Variants in NTSR2 observed in about 807,000 individuals in gnomAD.
NTSR2 encodes neurotensin receptor 2.
A neutral mutation model predicts 24.1 loss-of-function variants in NTSR2; 22 were observed. That is an observed-to-expected ratio of 0.91 (90% CI 0.65 to 1.30). The LOEUF is 1.30. Among genes scored for constraint, NTSR2 ranks in the 50% most tolerant of loss-of-function variants. The probability of loss-of-function intolerance (pLI) is 0.00; values close to 1 mark genes in which losing one functional copy is unlikely to be tolerated. For missense variants in NTSR2, 570 were observed against 570.4 expected (o/e 1.00, Z 0.01); for synonymous variants, 291 against 267.0 (o/e 1.09, Z -0.88).
At chr2:11,667,023 T>G (rs1572269116) in intron 1 of NTSR2, among the ~76,000 whole-genome samples, 1 of 152,310 alleles carries the variant, frequency 6.6e-6, no homozygotes, top group East Asian at 1.9e-4. Flanking sequence ...TCTCATTGAA[T>G]TATCACAGAG....
At chr2:11,666,519 T>C (rs1390193611) in intron 1 of NTSR2, among the ~76,000 whole-genome samples, 2 of 151,832 alleles carry the variant, frequency 1.3e-5, no homozygotes, top group South Asian at 4.2e-4. Context: ...GCCAACATGG[T>C]GAAACCCCAT....
chr2:11,666,811 AAGG>A (rs985851052), intron 1 of NTSR2, among the ~76,000 whole-genome samples: 31 of 152,072 alleles, frequency 2.0e-4, no homozygotes, highest in African/African-American at 7.2e-4. Flanking sequence ...GGAGGGAGGG[AAGG>A]AGAAGGGCAG....
chr2:11,663,466 AT>A (rs1262072211), intron 1 of NTSR2, among the ~76,000 whole-genome samples: 1 of 152,250 alleles, frequency 6.6e-6, no homozygotes, highest in Non-Finnish European at 1.5e-5. Context: ...TTGAAAGGGC[AT>A]TTACGCTTGT....
At chr2:11,668,021 A>G (rs1225364659) in intron 1 of NTSR2, among the ~76,000 whole-genome samples, 1 of 152,176 alleles carries the variant, frequency 6.6e-6, no homozygotes, top group African/African-American at 2.4e-5. Context: ...TCTGAGGATG[A>G]CTCGGTGGCC....
At chr2:11,665,749 G>A (rs1294928588) in intron 1 of NTSR2, 5 of 152,270 alleles carry the variant, frequency 3.3e-5, no homozygotes, top group African/African-American at 1.2e-4. Context: ...TTATAAGTCA[G>A]AGGTCACACA....
chr2:11,669,459 C>CCGGGCGGGGGGGGG, intron 1 of NTSR2, 47 bp downstream of exon 1: 2 of 337,892 alleles, frequency 5.9e-6, no homozygotes, highest in East Asian at 4.3e-5. Context: ...CTCCCAGCAC[C>CCGGGCGGGGGGGGG]GCCCCCCCAC....
chr2:11,658,663 C>G lies in NTSR2; in HGVS notation c.1049G>C (p.Ser350Thr), dbSNP rs1660990415. Residue 350 changes from serine (S) to threonine (T), a missense_variant, in exon 4 of 4, where the codon AGC (serine) becomes ACC (threonine). Transcript: ENST00000306928. ...GTAGAGAAGAGGAGTCACAGCTGAG[C>G]TGACGTAGAAAAGTGTGTTGGTCAC... ...YMVTNTLFYV[S>T]SAVTPLLYNA... 2.5e-6 allele frequency: 4 copies of G among 1,614,112 alleles called. No individual in the cohort carries two copies. Among genetic ancestry groups the G allele is most frequent in the South Asian group, 2.2e-5 (2 of 91,074 alleles).
In NTSR2 at chr2:11,662,184, C is replaced by A. The variant is rs1330026112; in HGVS notation, c.681G>T (p.Gly227=). The change falls in exon 2 of 4, where the codon GGG becomes GGT. Residue 227 remains glycine, a synonymous_variant. Transcript: ENST00000306928. ...LPLALTAFLN[G]VTVSHLLALC... The stretch of plus-strand genomic sequence containing the variant: ...GGGCCAGCAGGTGGCTCACTGTGAC[C>A]CCATTCAGGAAAGCAGTTAGTGCCA... 6.3e-7 allele frequency: 1 copy of A among 1,578,144 alleles called. No homozygotes were observed. The highest frequency in any genetic ancestry group is 8.6e-7 in the Non-Finnish European group (1 of 1,162,322).
chr2:11,664,505 C>G (rs968293132), intron 1 of NTSR2, among the ~76,000 whole-genome samples: 2 of 152,126 alleles, frequency 1.3e-5, no homozygotes, highest in South Asian at 2.1e-4. Context: ...ATCATTCATG[C>G]CTTTTTATCT....
rs1465584654 is a variant in NTSR2 at position 11,662,163 on chromosome 2, C to A, written c.702G>T (p.Leu234=). 1 of 1,597,500 alleles carries A rather than the reference C, an allele frequency of 6.3e-7. No homozygotes were observed. Among genetic ancestry groups the A allele is most frequent in the Non-Finnish European group, 8.5e-7 (1 of 1,171,830 alleles). The change falls in exon 2 of 4, where the codon CTG becomes CTT. Residue 234 remains leucine, a synonymous_variant. Transcript: ENST00000306928. ...TGGACGGCACTTGGGAGCAGAGGGC[C>A]AGCAGGTGGCTCACTGTGACCCCAT... ...FLNGVTVSHL[L]ALCSQVPSTS...
intron 3 of NTSR2, 89 bp downstream of exon 3, chr2:11,659,953 TG>T: frequency 9.8e-7 from 1 of 1,015,912 alleles, no homozygotes; most frequent in African/African-American, 1.6e-5. Context: ...GACCCAGCAA[TG>T]GAGGGTCCCT....
intron 1 of NTSR2, among the ~76,000 whole-genome samples, chr2:11,664,128 C>CAT (rs1553392631): frequency 1.1e-5 from 1 of 90,490 alleles, no homozygotes; most frequent in Non-Finnish European, 2.3e-5. Flanking sequence ...AAACACTGAG[C>CAT]ATTTTTTTTT....
intron 1 of NTSR2, among the ~76,000 whole-genome samples, chr2:11,664,607 A>T (rs1185533730): frequency 1.3e-5 from 2 of 152,222 alleles, no homozygotes; most frequent in African/African-American, 4.8e-5. Context: ...AAACAGGTTT[A>T]TATCAGTAAT....
At chr2:11,660,788 T>C (rs1048133151) in intron 2 of NTSR2, among the ~76,000 whole-genome samples, 5 of 152,206 alleles carry the variant, frequency 3.3e-5, no homozygotes, top group Admixed American at 2.6e-4. Context: ...TTAGAAAGCC[T>C]CTTGCTCCTT....
chr2:11,667,385 C>T (rs1387680900), intron 1 of NTSR2, among the ~76,000 whole-genome samples: 1 of 152,148 alleles, frequency 6.6e-6, no homozygotes, highest in Non-Finnish European at 1.5e-5. Flanking sequence ...CTTGCTCTGT[C>T]ACCCCCGCTG....
chr2:11,662,112 G>T lies in NTSR2; in HGVS notation c.753C>A (p.Pro251=). The T allele has an allele frequency of 1.2e-6, 2 of 1,612,958 alleles. No homozygotes were observed. Among genetic ancestry groups the T allele is most frequent in the Non-Finnish European group, 8.5e-7 (1 of 1,179,660 alleles). Residue 251 remains proline (P), a synonymous_variant, in exon 2 of 4, where the codon CCC becomes CCA. Coordinates refer to ENST00000306928, the MANE Select transcript of NTSR2 (RefSeq NM_012344.4). ...CCTCACTCAGCAGCTCCAGGCGGCT[G>T]GGGGTGGAGCTGCCCGGGGTAGAAG... The part of the protein sequence containing the change: ...PSTSTPGSST[P]SRLELLSEEG...
rs1172261367 is a variant in NTSR2 at position 11,670,047 on chromosome 2, C to A, written c.83G>T (p.Arg28Leu). 1.0e-5 allele frequency: 15 copies of A among 1,494,874 alleles called. No homozygotes were observed. The highest frequency in any genetic ancestry group is 1.2e-5 in the Non-Finnish European group (14 of 1,129,422). 92.6% of individuals were successfully genotyped at this position (1,494,874 alleles called of 1,614,324 possible). Reference protein sequence around the residue: ...SLDARLGVDTRLWAKVLFTAL... With the variant: ...SLDARLGVDTLLWAKVLFTAL... The stretch of plus-strand genomic sequence containing the variant: ...GGTGAACAGCACCTTGGCCCAGAGG[C>A]GAGTGTCCACGCCCAGCCGGGCGTC... Residue 28 changes from arginine to leucine, a missense_variant, in exon 1 of 4, where the codon CGC becomes CTC. Transcript: ENST00000306928.
In NTSR2 at chr2:11,669,985, C is replaced by G; in HGVS notation, c.145G>C (p.Gly49Arg). 1 of 1,512,646 alleles carries G rather than the reference C, an allele frequency of 6.6e-7. No individual in the cohort carries two copies. The highest frequency in any genetic ancestry group is 8.8e-7 in the Non-Finnish European group (1 of 1,137,012). 93.7% of individuals were successfully genotyped at this position (1,512,646 alleles called of 1,614,324 possible). A position where few individuals can be genotyped will look rare whatever the true frequency, so the allele number is the denominator to read the frequency against. ...YALIWALGAA[G>R]NALSAHVVLK... ...ACCACGTGCGCGGACAGCGCATTGC[C>G]CGCCGCGCCCAGCGCCCAGATGAGT... The change falls in exon 1 of 4, where the codon GGC (glycine) becomes CGC (arginine). Residue 49 changes from glycine (G) to arginine (R), a missense_variant. Coordinates refer to ENST00000306928, the MANE Select transcript of NTSR2 (RefSeq NM_012344.4).
chr2:11,669,458 C>A, intron 1 of NTSR2, 48 bp downstream of exon 1: 1 of 323,358 alleles, frequency 3.1e-6, no homozygotes, highest in Non-Finnish European at 5.5e-6. Context: ...CCTCCCAGCA[C>A]CGCCCCCCCA....
Sources: gnomAD v4.1 joint callset for allele counts (sites outside exome capture counted in the v4.1 genomes callset) on GRCh38, gnomAD v4.1.1 for gene constraint, MANE v1.5 for transcripts, NCBI Gene and HGNC (gene_info 2026-07-23, HGNC 2026-07-21) for gene names.